LBHD1: variants seen among roughly 807,000 people sequenced by gnomAD.
LBHD1 encodes LBH domain-containing protein 1.
A neutral mutation model predicts 31.1 loss-of-function variants in LBHD1; 28 were observed. That is an observed-to-expected ratio of 0.90 (90% CI 0.67 to 1.24). LBHD1 has a LOEUF of 1.24. Among genes scored for constraint, LBHD1 ranks in the 50% most tolerant of loss-of-function variants. The pLI is 0.00. For missense variants in LBHD1, 350 were observed against 323.0 expected (o/e 1.08, Z -0.64); for synonymous variants, 105 against 116.5 (o/e 0.90, Z 0.63).
intron 5 of LBHD1, among the ~76,000 whole-genome samples, chr11:62,664,299 T>C (rs538988027): frequency 2.7e-5 from 4 of 150,344 alleles, no homozygotes; most frequent in African/African-American, 4.9e-5. Context: ...ACTTGGAGAA[T>C]GGAGAGCCAA....
chr11:62,664,907 C>G lies in LBHD1; in HGVS notation c.605G>C (p.Gly202Ala). The change falls in exon 5 of 7, where the codon GGT becomes GCT. Residue 202 changes from glycine (G) to alanine (A), a missense_variant. Transcript: ENST00000354588. ...VESGAASEAP[G>A]GRGCDRPRAD... ...CCTTGGTCTATCACAGCCCCGACCA[C>G]CCGGTGCCTCAGACGCCGCTCCCGA... 6.3e-7 allele frequency: 1 copy of G among 1,599,458 alleles called. No individual in the cohort carries two copies. The highest frequency in any genetic ancestry group is 8.5e-7 in the Non-Finnish European group (1 of 1,173,374).
At chr11:62,667,296 A>T in intron 4 of LBHD1, 1 of 639,354 alleles carries the variant, frequency 1.6e-6, no homozygotes, top group Non-Finnish European at 2.7e-6. Context: ...TGAATGCTGA[A>T]AAGAGAAGGT....
intron 4 of LBHD1, chr11:62,666,325 G>T (rs531793220): frequency 1.0e-5 from 15 of 1,468,780 alleles, no homozygotes; most frequent in African/African-American, 1.4e-5. Flanking sequence ...AAAAAAAGAC[G>T]CCAGTGTGTA....
chr11:62,664,357 G>A, intron 5 of LBHD1, among the ~76,000 whole-genome samples: 1 of 121,480 alleles, frequency 8.2e-6, no homozygotes, highest in African/African-American at 3.2e-5. Flanking sequence ...TTGAGACGGA[G>A]TCTCACTCTG....
In LBHD1 at chr11:62,663,240, C is replaced by T. The variant is rs1286160337; in HGVS notation, c.757G>A (p.Gly253Arg). 1.2e-6 allele frequency: 2 copies of T among 1,614,174 alleles called. No individual in the cohort carries two copies. Among genetic ancestry groups the T allele is most frequent in the Non-Finnish European group, 1.7e-6 (2 of 1,180,028 alleles). ...PACPEREDSH[G>R]SGSPFKASQD is the part of the protein sequence containing the mutation. ...CCACCTCTGTCCCAGCCTCACCTTC[C>T]ATGGCTGTCTTCTCTTTCTGGGCAA... Residue 253 changes from glycine (G) to arginine (R), a missense_variant, in exon 6 of 7, where the codon GGA becomes AGA. By Grantham distance (125) the Gly-to-Arg change is moderately radical. Coordinates refer to ENST00000354588, the MANE Select transcript of LBHD1 (RefSeq NM_024099.5).
rs1944902174 is a variant in LBHD1 at position 62,669,626 on chromosome 11, A to C, written c.313+15T>G. On this transcript the variant is annotated intron_variant, in intron 3 of 6. Transcript: ENST00000354588. ...TCAGCTCACAGTGGCCCCCTGAATG[A>C]GCCACCTCCCTCACCTGGCTCTTCA... is the stretch of plus-strand genomic sequence containing the variant. The C allele has an allele frequency of 6.2e-7, 1 of 1,605,948 alleles. No individual in the cohort carries two copies. The highest frequency in any genetic ancestry group is 1.3e-5 in the African/African-American group (1 of 74,770).
intron 4 of LBHD1, chr11:62,665,623 TCA>T: frequency 1.3e-6 from 2 of 1,536,450 alleles, no homozygotes; most frequent in Non-Finnish European, 1.7e-6. Context: ...ATCGGGGTGC[TCA>T]CACTTTCTCA....
chr11:62,671,686 G>T lies in LBHD1; in HGVS notation c.-133C>A, dbSNP rs998483278. The T allele has an allele frequency of 3.1e-6, 5 of 1,599,068 alleles. No homozygotes were observed. In the Admixed American group the frequency reaches 6.8e-5, roughly 22 times the overall value. Reference sequence around the variant, plus strand: ...GCGCCAAGGGGTAGTGAGACCGCGCGGCAACAGCTTGCGGCTGCGGGGAGC... The same window carrying T: ...GCGCCAAGGGGTAGTGAGACCGCGCTGCAACAGCTTGCGGCTGCGGGGAGC... On this transcript the variant is annotated 5_prime_UTR_variant, in exon 1 of 7. Transcript: ENST00000354588.
Position 62,662,935 on chromosome 11 carries a change from T to G in LBHD1, c.*194A>C. On this transcript the variant is annotated 3_prime_UTR_variant, in exon 7 of 7. Coordinates refer to ENST00000354588, the MANE Select transcript of LBHD1 (RefSeq NM_024099.5). ...CCCTCTAGGGGAGGTCAGTAGGCCATTAGGTAGGAGGAAATCTGGAGAGTG... is the reference window on the plus strand; with the variant it reads ...CCCTCTAGGGGAGGTCAGTAGGCCAGTAGGTAGGAGGAAATCTGGAGAGTG... 2 of 778,326 alleles carry G rather than the reference T, an allele frequency of 2.6e-6. No homozygotes were observed. Among genetic ancestry groups the G allele is most frequent in the South Asian group, 1.8e-5 (1 of 54,588 alleles). 48.2% of individuals were successfully genotyped at this position (778,326 alleles called of 1,614,324 possible).
At chr11:62,664,808 C>T (rs776488982) in intron 5 of LBHD1, 41 bp downstream of exon 5, 4 of 1,550,444 alleles carry the variant, frequency 2.6e-6, no homozygotes, top group South Asian at 2.4e-5. Context: ...GGAAGGAAGA[C>T]TCGGTGGGGA....
At chr11:62,664,722 C>T in intron 5 of LBHD1, 127 bp downstream of exon 5, 1 of 1,258,714 alleles carries the variant, frequency 7.9e-7, no homozygotes, top group Admixed American at 2.5e-5. Flanking sequence ...AACTAACAGC[C>T]GACAGACATT....
In LBHD1 at chr11:62,665,758, C is replaced by G. The variant is rs1590848058; in HGVS notation, c.539-785G>C. On this transcript the variant is annotated intron_variant, in intron 4 of 6. Coordinates refer to ENST00000354588, the MANE Select transcript of LBHD1 (RefSeq NM_024099.5). ...TCCGGGACTGCAGAGTTCGGGGAAGCTGTACGCCGCCTTTCGCTACGCGGA... is the reference window on the plus strand; with the variant it reads ...TCCGGGACTGCAGAGTTCGGGGAAGGTGTACGCCGCCTTTCGCTACGCGGA... 134 of 1,505,178 alleles carry G rather than the reference C, an allele frequency of 8.9e-5. 2 individuals carry two copies. The South Asian group carries it at 1.4e-3, about 16-fold the overall frequency. 93.2% of individuals were successfully genotyped at this position (1,505,178 alleles called of 1,614,324 possible). A position where few individuals can be genotyped will look rare whatever the true frequency, so the allele number is the denominator to read the frequency against.
chr11:62,667,582 C>CG lies in LBHD1; in HGVS notation c.478dup (p.Arg160ProfsTer4). ...TTCCACAAAGCCACTTCTACAAACACGGGAGCCTGTTGAGTCCCAGAAGGG... is the reference window on the plus strand; with the variant it reads ...TTCCACAAAGCCACTTCTACAAACACGGGGAGCCTGTTGAGTCCCAGAAGGG... On this transcript the variant is annotated frameshift_variant, in exon 4 of 7. Transcript: ENST00000354588. LOFTEE classifies it high-confidence loss of function. 6.2e-7 allele frequency: 1 copy of CG among 1,614,138 alleles called. No homozygotes were observed. The highest frequency in any genetic ancestry group is 8.5e-7 in the Non-Finnish European group (1 of 1,180,032).
intron 4 of LBHD1, chr11:62,667,198 T>G (rs1468346806): frequency 1.2e-6 from 1 of 816,382 alleles, no homozygotes; most frequent in Non-Finnish European, 1.9e-6. Flanking sequence ...TGAATGTTTC[T>G]GTTCCCCAGT....
chr11:62,665,969 G>T (rs773038049), intron 4 of LBHD1: 4 of 1,598,656 alleles, frequency 2.5e-6, no homozygotes, highest in Non-Finnish European at 3.4e-6. Context: ...GGGCAGAGTG[G>T]AGAGGGCAAG....
chr11:62,670,991 C>G (rs149182755), intron 1 of LBHD1: 2 of 248,764 alleles, frequency 8.0e-6, no homozygotes, highest in East Asian at 2.0e-4. Context: ...CCCAGCTATC[C>G]GGGAGGTTGA....
At position 62,664,881 on chromosome 11, in the gene LBHD1, C is replaced by T. The variant is rs570159130; in HGVS notation, c.631G>A (p.Ala211Thr). ...PGGRGCDRPR[A>T]DHAAPPQEAG... ...TCTTGAGGTGGTGCCGCGTGATCAG[C>T]CCTTGGTCTATCACAGCCCCGACCA... Residue 211 changes from alanine to threonine, a missense_variant, in exon 5 of 7, where the codon GCT (alanine) becomes ACT (threonine). Transcript: ENST00000354588. The T allele has an allele frequency of 6.3e-7, 1 of 1,584,966 alleles. No individual in the cohort carries two copies. Among genetic ancestry groups the T allele is most frequent in the African/African-American group, 1.3e-5 (1 of 74,434 alleles).
At chr11:62,668,405 C>G (rs1311010351) in intron 3 of LBHD1, 1 of 147,730 alleles carries the variant, frequency 6.8e-6, no homozygotes, top group African/African-American at 2.5e-5. Flanking sequence ...TTGCTTGGAC[C>G]TGGGAGGCAG....
At chr11:62,669,580 T>C in intron 3 of LBHD1, 61 bp downstream of exon 3, 1 of 1,557,848 alleles carries the variant, frequency 6.4e-7, no homozygotes, top group Non-Finnish European at 8.7e-7. Flanking sequence ...CTGACTTCCA[T>C]CTTGGCTCTG....
Sources: allele counts gnomAD v4.1 joint callset (sites outside exome capture counted in the v4.1 genomes callset), GRCh38; gene constraint gnomAD v4.1.1; transcripts MANE v1.5; gene names NCBI Gene and HGNC (gene_info 2026-07-23, HGNC 2026-07-21).